Variants in VPS13B observed in about 807,000 individuals in gnomAD.
The protein encoded by VPS13B is vacuolar protein sorting 13 homolog B, also known as intermembrane lipid transfer protein VPS13B.
In VPS13B, 285 loss-of-function variants were observed where a neutral mutation model predicts 426.4. The ratio of observed to expected loss-of-function variants is 0.67; its 90% CI spans 0.61 to 0.74. The LOEUF (loss-of-function observed/expected upper bound fraction) is 0.74. Among genes scored for constraint, VPS13B ranks in the 30% least tolerant of loss-of-function variants. VPS13B has a pLI of 0.00. For synonymous variants in VPS13B, 1,676 were observed against 1,676.4 expected (o/e 1.00, Z 0.01); for missense variants, 4,537 against 4,782.6 (o/e 0.95, Z 1.51).
intron 3 of VPS13B, among the ~76,000 whole-genome samples, chr8:99,049,595 T>C (rs977661187): frequency 2.6e-5 from 4 of 152,096 alleles, no homozygotes; most frequent in African/African-American, 4.8e-5. Context: ...CTCACAGCTC[T>C]TAAGATTCTT....
chr8:99,432,772 G>C (rs1588373887), intron 22 of VPS13B, among the ~76,000 whole-genome samples: 1 of 152,026 alleles, frequency 6.6e-6, no homozygotes, highest in South Asian at 2.1e-4. Context: ...GTTTTTTCTT[G>C]TTTCTGTATC....
intron 19 of VPS13B, among the ~76,000 whole-genome samples, chr8:99,379,537 T>C (rs187718153): frequency 3.3e-5 from 5 of 152,318 alleles, no homozygotes; most frequent in African/African-American, 4.8e-5. Context: ...CTGTGGAAAA[T>C]AATAATTGGC....
chr8:99,320,038 G>A (rs1189574513), intron 19 of VPS13B, among the ~76,000 whole-genome samples: 1 of 152,092 alleles, frequency 6.6e-6, no homozygotes, highest in African/African-American at 2.4e-5. Flanking sequence ...GCATGAGAGG[G>A]AGTGATTGTT....
At chr8:99,236,222 G>A (rs1242691527) in intron 17 of VPS13B, among the ~76,000 whole-genome samples, 1 of 151,544 alleles carries the variant, frequency 6.6e-6, no homozygotes, top group African/African-American at 2.4e-5. Flanking sequence ...AATGATAGGT[G>A]TAACATCTAG....
rs750693109 is a variant in VPS13B, at chr8:99,854,032, C to T, written c.10643C>T (p.Thr3548Ile). The change falls in exon 56 of 62, where the codon ACA becomes ATA. Residue 3548 changes from threonine to isoleucine, a missense_variant. Transcript: ENST00000357162. ...AAACAGGTGTTGCCCATGCAGGTCACACAGCACGCCAGGGCCTTGGTGAAT... is the reference window on the plus strand; with the variant it reads ...AAACAGGTGTTGCCCATGCAGGTCATACAGCACGCCAGGGCCTTGGTGAAT... ...GGKQVLPMQV[T>I]QHARALVNPV... 24 of 1,614,084 alleles carry T rather than the reference C, an allele frequency of 1.5e-5. No individual in the cohort carries two copies. In the East Asian group the frequency reaches 5.1e-4, roughly 34 times the overall value.
At chr8:99,065,867 CAG>C (rs1187166929) in intron 3 of VPS13B, among the ~76,000 whole-genome samples, 1 of 152,174 alleles carries the variant, frequency 6.6e-6, no homozygotes, top group African/African-American at 2.4e-5. Flanking sequence ...TAATAACAGA[CAG>C]AGAGCCAAAT....
At chr8:99,286,989 T>G (rs949010413) in intron 19 of VPS13B, among the ~76,000 whole-genome samples, 2 of 152,114 alleles carry the variant, frequency 1.3e-5, no homozygotes, top group African/African-American at 2.4e-5. Flanking sequence ...CGTACTAGGT[T>G]CCTTTCAGCC....
chr8:99,460,933 T>A lies in VPS13B; in HGVS notation c.3446-6481T>A, dbSNP rs1281114513. 2.6e-5 allele frequency among the ~76,000 whole-genome samples: 4 copies of A among 152,332 alleles called. No homozygotes were observed. The East Asian group carries it at 7.7e-4, about 29-fold the overall frequency. On this transcript the variant is annotated intron_variant, in intron 23 of 61. Coordinates refer to ENST00000357162, the MANE Select transcript of VPS13B (RefSeq NM_152564.5). ...ATGCAAGAACATCACAGATTCTCAC[T>A]CTTCGTATCCTAAGTTCAACAGTTC... is the stretch of plus-strand genomic sequence containing the variant.
chr8:99,868,542 A>T, intron 59 of VPS13B, 77 bp downstream of exon 59: 1 of 1,523,640 alleles, frequency 6.6e-7, no homozygotes, highest in Non-Finnish European at 8.9e-7. Flanking sequence ...TCCCTAAGAT[A>T]GTGTAACCTT....
intron 25 of VPS13B, among the ~76,000 whole-genome samples, chr8:99,492,507 T>A (rs1820665390): frequency 6.6e-6 from 1 of 152,128 alleles, no homozygotes; most frequent in South Asian, 2.1e-4. Flanking sequence ...TCTAGCTGAG[T>A]TGCGGTGGGC....
At chr8:99,612,976 GC>G (rs1198447111) in intron 33 of VPS13B, among the ~76,000 whole-genome samples, 1 of 152,038 alleles carries the variant, frequency 6.6e-6, no homozygotes, top group African/African-American at 2.4e-5. Context: ...TCAAGGCCAA[GC>G]TTAAATGATC....
chr8:99,301,840 T>C (rs1820383854), intron 19 of VPS13B, among the ~76,000 whole-genome samples: 2 of 152,050 alleles, frequency 1.3e-5, no homozygotes, highest in Admixed American at 6.6e-5. Context: ...TTGCCCAACC[T>C]GGTCTCAAAC....
chr8:99,720,262 T>G lies in VPS13B; in HGVS notation c.6658-83T>G, dbSNP rs997368707. 1.6e-5 allele frequency: 18 copies of G among 1,113,912 alleles called. 1 individual carries two copies. The highest frequency in any genetic ancestry group is 2.0e-5 in the Non-Finnish European group (15 of 751,868). 69.0% of individuals were successfully genotyped at this position (1,113,912 alleles called of 1,614,324 possible). A position where few individuals can be genotyped will look rare whatever the true frequency, so the allele number is the denominator to read the frequency against. ...AATTGAACATAATTACAGTCCTACA[T>G]TAATTCAAATATGATTATACCTAAT... On this transcript the variant is annotated intron_variant, in intron 37 of 61. Transcript: ENST00000357162.
intron 3 of VPS13B, among the ~76,000 whole-genome samples, chr8:99,040,123 T>C (rs1408607795): frequency 6.6e-6 from 1 of 152,180 alleles, no homozygotes; most frequent in African/African-American, 2.4e-5. Flanking sequence ...TAAGTACTTT[T>C]TTCATTGAGA....
intron 3 of VPS13B, among the ~76,000 whole-genome samples, chr8:99,045,770 C>A (rs1207993516): frequency 6.6e-6 from 1 of 152,162 alleles, no homozygotes; most frequent in Non-Finnish European, 1.5e-5. Context: ...ATGTGGCTTG[C>A]CAATTATCCC....
intron 21 of VPS13B, among the ~76,000 whole-genome samples, chr8:99,397,646 A>G (rs577461920): frequency 6.6e-6 from 1 of 152,342 alleles, no homozygotes; most frequent in Admixed American, 6.5e-5. Flanking sequence ...AGCTATTATG[A>G]TCTTTCAAGA....
rs189182671 is a variant in VPS13B, at chr8:99,166,065, C to T, written c.2209-3974C>T. Among the ~76,000 whole-genome samples, 470 of 152,224 alleles carry T rather than the reference C, an allele frequency of 3.1e-3. 5 individuals are homozygous for T. The highest frequency in any genetic ancestry group is 5.4e-3 in the Non-Finnish European group (370 of 68,014). ...CACGATCTTGGCTCACTGCAACGTC[C>T]GCCTCCCGGGTTCAAGTGATTCTCC... On this transcript the variant is annotated intron_variant, in intron 15 of 61. Transcript: ENST00000357162.
intron 24 of VPS13B, among the ~76,000 whole-genome samples, chr8:99,478,447 G>GTTTTTTTTTTTTTTTTGTTT (rs1819825971): frequency 1.2e-5 from 1 of 85,778 alleles, no homozygotes; most frequent in African/African-American, 5.1e-5. Flanking sequence ...TTTTTGTTTT[G>GTTTTTTTTTTTTTTTTGTTT]TTTTTTTTTT....
chr8:99,181,975 AGACTT>A (rs1300552599), intron 16 of VPS13B, among the ~76,000 whole-genome samples: 2 of 152,144 alleles, frequency 1.3e-5, no homozygotes, highest in African/African-American at 2.4e-5. Flanking sequence ...AATGGGCAAA[AGACTT>A]GAACAGACAT....
Sources: allele counts gnomAD v4.1 joint callset (sites outside exome capture counted in the v4.1 genomes callset), GRCh38; gene constraint gnomAD v4.1.1; transcripts MANE v1.5; gene names NCBI Gene and HGNC (gene_info 2026-07-23, HGNC 2026-07-21).